CDH13: variants seen among roughly 807,000 people sequenced by gnomAD.
CDH13 encodes the protein cadherin 13, also known as cadherin-13.
CDH13 carries 24 observed loss-of-function variants against 63.8 expected under a neutral mutation model. The observed-to-expected ratio is 0.38, with a 90% CI of 0.27 to 0.53. CDH13 has a LOEUF of 0.53. Ranked by LOEUF, CDH13 falls within the 20% of genes least tolerant of loss-of-function variation. CDH13 has a pLI of 0.85. For missense variants in CDH13, 1,049 were observed against 903.1 expected, an observed-to-expected ratio of 1.16 and a Z score of -2.07; for synonymous variants, 503 against 355.3, an observed-to-expected ratio of 1.42 and a Z score of -4.67.
At chr16:82,711,398 G>A (rs915736667) in intron 1 of CDH13, among the ~76,000 whole-genome samples, 7 of 152,122 alleles carry the variant, frequency 4.6e-5, no homozygotes, top group African/African-American at 1.4e-4. Flanking sequence ...TTGGGATTCT[G>A]GAATGGGGAG....
chr16:83,102,514 G>A (rs1324057272), intron 3 of CDH13, among the ~76,000 whole-genome samples: 1 of 152,156 alleles, frequency 6.6e-6, no homozygotes, highest in African/African-American at 2.4e-5. Flanking sequence ...GATGACATGA[G>A]ATTACATGAC....
chr16:83,116,796 T>A (rs1327247764), intron 3 of CDH13, among the ~76,000 whole-genome samples: 2 of 152,212 alleles, frequency 1.3e-5, no homozygotes, highest in African/African-American at 4.8e-5. Context: ...ATAATACTTT[T>A]AAAATACTGC....
chr16:82,773,143 G>C (rs1364971039), intron 1 of CDH13, among the ~76,000 whole-genome samples: 1 of 152,188 alleles, frequency 6.6e-6, no homozygotes, highest in Non-Finnish European at 1.5e-5. Context: ...ATGATACAGA[G>C]GCTGAGAAAG....
chr16:83,317,045 T>C (rs1481147928), intron 5 of CDH13, among the ~76,000 whole-genome samples: 1 of 152,214 alleles, frequency 6.6e-6, no homozygotes, highest in Non-Finnish European at 1.5e-5. Context: ...CTGCAGACAT[T>C]TCTGGTTATC....
chr16:82,898,426 G>T (rs574955111), intron 2 of CDH13, among the ~76,000 whole-genome samples: 12 of 152,324 alleles, frequency 7.9e-5, no homozygotes, highest in South Asian at 2.1e-4. Context: ...TCAGGAGGTG[G>T]AGACAGGAGA....
intron 6 of CDH13, among the ~76,000 whole-genome samples, chr16:83,477,967 G>C (rs911088258): frequency 6.6e-6 from 1 of 152,022 alleles, no homozygotes; most frequent in African/African-American, 2.4e-5. Context: ...GGATCACGAG[G>C]TCAGGAGATC....
intron 5 of CDH13, among the ~76,000 whole-genome samples, chr16:83,305,810 G>C (rs749289194): frequency 6.6e-6 from 1 of 152,150 alleles, no homozygotes; most frequent in Admixed American, 6.5e-5. Context: ...TACCTAGTAG[G>C]AGGCCAAACG....
chr16:83,785,637 G>C (rs565432592), intron 13 of CDH13, among the ~76,000 whole-genome samples: 1 of 152,278 alleles, frequency 6.6e-6, no homozygotes, highest in East Asian at 1.9e-4. Context: ...TCTGGGGCCT[G>C]GTTTGCTGAG....
chr16:83,756,888 G>A (rs1913555994), intron 11 of CDH13, among the ~76,000 whole-genome samples: 1 of 152,106 alleles, frequency 6.6e-6, no homozygotes, highest in Non-Finnish European at 1.5e-5. Flanking sequence ...AAACAACAAG[G>A]AGTAAAGCTG....
At chr16:83,010,157 A>AAAAAAAAAAAAAC (rs1349143732) in intron 2 of CDH13, among the ~76,000 whole-genome samples, 1 of 147,828 alleles carries the variant, frequency 6.8e-6, no homozygotes, top group Non-Finnish European at 1.5e-5. Flanking sequence ...AAAAAAAAAA[A>AAAAAAAAAAAAAC]AAAAACAAGA....
At chr16:82,764,517 G>T (rs1331811394) in intron 1 of CDH13, among the ~76,000 whole-genome samples, 1 of 152,186 alleles carries the variant, frequency 6.6e-6, no homozygotes, top group South Asian at 2.1e-4. Flanking sequence ...CAAGCAGTTT[G>T]AGATCTAATA....
rs148743053 is a variant in CDH13, at chr16:83,289,060, A to G, written c.637-55802A>G. ...AAATGTGAAACTCCTACATTCACCA[A>G]GTGAGTCTTTAGTGAAACAGGAGTG... is the stretch of plus-strand genomic sequence containing the variant. On this transcript the variant is annotated intron_variant, in intron 5 of 13. Transcript: ENST00000567109. 3.4e-4 allele frequency among the ~76,000 whole-genome samples: 52 copies of G among 152,334 alleles called. No homozygotes were observed. In the East Asian group the frequency reaches 9.6e-3, roughly 28 times the overall value.
chr16:83,079,150 A>G (rs899030048), intron 3 of CDH13, among the ~76,000 whole-genome samples: 2 of 152,136 alleles, frequency 1.3e-5, no homozygotes, highest in African/African-American at 2.4e-5. Context: ...GTTGTTTATT[A>G]TATGTGGCCA....
At chr16:83,603,458 C>T (rs926466849) in intron 8 of CDH13, among the ~76,000 whole-genome samples, 3 of 152,176 alleles carry the variant, frequency 2.0e-5, no homozygotes, top group Non-Finnish European at 4.4e-5. Context: ...TACTGTGATG[C>T]TCAGAGAATC....
intron 5 of CDH13, among the ~76,000 whole-genome samples, chr16:83,310,467 G>C (rs935648035): frequency 1.3e-5 from 2 of 152,152 alleles, no homozygotes; most frequent in Non-Finnish European, 2.9e-5. Flanking sequence ...ACACACATAC[G>C]TACAGAGAGG....
At chr16:82,742,060 T>C (rs1389713001) in intron 1 of CDH13, among the ~76,000 whole-genome samples, 1 of 152,144 alleles carries the variant, frequency 6.6e-6, no homozygotes, top group Non-Finnish European at 1.5e-5. Context: ...TTATATAAAA[T>C]CATGGTGTAG....
intron 3 of CDH13, among the ~76,000 whole-genome samples, chr16:83,119,733 G>T (rs1329908246): frequency 6.6e-6 from 1 of 152,182 alleles, no homozygotes; most frequent in Non-Finnish European, 1.5e-5. Flanking sequence ...TTGTCCCGAA[G>T]CAGGGTATAT....
chr16:82,890,269 A>T (rs940620719), intron 2 of CDH13, among the ~76,000 whole-genome samples: 1 of 152,228 alleles, frequency 6.6e-6, no homozygotes, highest in Non-Finnish European at 1.5e-5. Context: ...ATCTTCAACA[A>T]TAGCCATCTA....
At chr16:83,202,585 T>C (rs139025352) in intron 4 of CDH13, among the ~76,000 whole-genome samples, 2 of 152,290 alleles carry the variant, frequency 1.3e-5, no homozygotes, top group East Asian at 3.9e-4. Context: ...TTTTATTTAT[T>C]TTTGATACTA....
Sources: gnomAD v4.1 joint callset for allele counts (sites outside exome capture counted in the v4.1 genomes callset) on GRCh38, gnomAD v4.1.1 for gene constraint, MANE v1.5 for transcripts, NCBI Gene and HGNC (gene_info 2026-07-23, HGNC 2026-07-21) for gene names.